Variants in CCDC13 observed in about 807,000 individuals in gnomAD.
CCDC13 encodes coiled-coil domain-containing protein 13.
A neutral mutation model predicts 87.3 loss-of-function variants in CCDC13; 70 were observed. The ratio of observed to expected loss-of-function variants is 0.80; its 90% confidence interval spans 0.66 to 0.98. The LOEUF (loss-of-function observed/expected upper bound fraction) is 0.98. Ranked by LOEUF, CCDC13 falls within the 50% of genes least tolerant of loss-of-function variation. The probability of loss-of-function intolerance (pLI) is 0.00; values close to 1 mark genes in which losing one functional copy is unlikely to be tolerated. For missense variants in CCDC13, 842 were observed against 892.0 expected, an observed-to-expected ratio of 0.94 and a Z score of 0.71; for synonymous variants, 317 against 360.3, an observed-to-expected ratio of 0.88 and a Z score of 1.36.
intron 14 of CCDC13, among the ~76,000 whole-genome samples, chr3:42,710,188 C>T (rs1698277315): frequency 6.6e-6 from 1 of 150,842 alleles, no homozygotes; most frequent in Non-Finnish European, 1.5e-5. Context: ...CAGCTCACAG[C>T]AATCTGCGCC....
chr3:42,713,387 G>A (rs1698359522), intron 13 of CCDC13, 71 bp from the exon 14 acceptor site: 4 of 1,506,750 alleles, frequency 2.7e-6, no homozygotes, highest in Non-Finnish European at 3.6e-6. Flanking sequence ...ACTTGCTCAG[G>A]CCCTTAGAGA....
intron 3 of CCDC13, among the ~76,000 whole-genome samples, chr3:42,754,870 C>A (rs1699671825): frequency 6.6e-6 from 1 of 152,156 alleles, no homozygotes; most frequent in Non-Finnish European, 1.5e-5. Context: ...TGTCTCCAGG[C>A]AAGCTCTACT....
Position 42,772,568 on chromosome 3 carries a change from A to G in CCDC13, c.-7+608T>C, listed in dbSNP as rs913825142. 3.9e-5 allele frequency among the ~76,000 whole-genome samples: 6 copies of G among 152,298 alleles called. No individual in the cohort carries two copies. The South Asian group carries it at 8.3e-4, about 21-fold the overall frequency. ...ACTGTGTTCTTTTCGAGTATTCTCAACAACAGTCTAGGGGCCTGGAGGTGT... is the reference window on the plus strand; with the variant it reads ...ACTGTGTTCTTTTCGAGTATTCTCAGCAACAGTCTAGGGGCCTGGAGGTGT... On this transcript the variant is annotated intron_variant, in intron 1 of 15. Coordinates refer to ENST00000310232, the MANE Select transcript of CCDC13 (RefSeq NM_144719.4).
At chr3:42,737,706 T>A (rs1699075649) in intron 9 of CCDC13, among the ~76,000 whole-genome samples, 1 of 152,272 alleles carries the variant, frequency 6.6e-6, no homozygotes, top group Non-Finnish European at 1.5e-5. Flanking sequence ...GCTGCACAGA[T>A]GTCTTCTTTT....
At chr3:42,723,283 G>T (rs997761931) in intron 13 of CCDC13, among the ~76,000 whole-genome samples, 1 of 152,110 alleles carries the variant, frequency 6.6e-6, no homozygotes, top group Non-Finnish European at 1.5e-5. Context: ...GGCTTCCTCT[G>T]TCTCTGACAG....
intron 1 of CCDC13, among the ~76,000 whole-genome samples, chr3:42,759,336 G>A (rs1699781014): frequency 6.6e-6 from 1 of 150,946 alleles, no homozygotes; most frequent in Non-Finnish European, 1.5e-5. Context: ...AATTTTATGT[G>A]TACAAATGAG....
At chr3:42,765,788 C>A (rs902495895) in intron 1 of CCDC13, among the ~76,000 whole-genome samples, 7 of 152,268 alleles carry the variant, frequency 4.6e-5, no homozygotes, top group African/African-American at 1.7e-4. Context: ...GCCAGAACAG[C>A]ATGTGCAGAG....
chr3:42,715,667 C>T (rs149331936), intron 13 of CCDC13, among the ~76,000 whole-genome samples: 1 of 152,318 alleles, frequency 6.6e-6, no homozygotes, highest in East Asian at 1.9e-4. Context: ...TTCATTTCCT[C>T]AGTCACACTA....
At chr3:42,730,713 C>T in intron 12 of CCDC13, 124 bp from the exon 13 acceptor site, 1 of 1,306,646 alleles carries the variant, frequency 7.7e-7, no homozygotes, top group South Asian at 1.4e-5. Context: ...GCAAAGGAAG[C>T]AAACCCAGTC....
chr3:42,770,403 C>G (rs1312217422), intron 1 of CCDC13, among the ~76,000 whole-genome samples: 1 of 152,218 alleles, frequency 6.6e-6, no homozygotes, highest in Non-Finnish European at 1.5e-5. Flanking sequence ...CATTCTGTAT[C>G]TAGTTGATCT....
In CCDC13 at chr3:42,706,943, G is replaced by A. The variant is rs1397951684; in HGVS notation, c.*2037C>T. Among the ~76,000 whole-genome samples, 1 of 152,186 alleles carries A rather than the reference G, an allele frequency of 6.6e-6. No homozygotes were observed. The highest frequency in any genetic ancestry group is 1.5e-5 in the Non-Finnish European group (1 of 68,032). ...TAAGTGGGGAGAGAAGTATGCCCCA[G>A]GCAGCCCCACCTGTCCAGACTCCAT... On this transcript the variant is annotated 3_prime_UTR_variant, in exon 16 of 16. Transcript: ENST00000310232.
chr3:42,709,668 C>T lies in CCDC13; in HGVS notation c.1988+16G>A, dbSNP rs369623561. On this transcript the variant is annotated intron_variant, in intron 15 of 15. Coordinates refer to ENST00000310232, the MANE Select transcript of CCDC13 (RefSeq NM_144719.4). ...AGACAACCCTACCCTTTCAGGAAGG[C>T]GGGGCAGGGGAGCACCTGGTTGTCA... 4.4e-6 allele frequency: 7 copies of T among 1,599,218 alleles called. No homozygotes were observed. The highest frequency in any genetic ancestry group is 3.3e-5 in the South Asian group (3 of 90,744).
chr3:42,741,714 G>A (rs998935159), intron 8 of CCDC13, among the ~76,000 whole-genome samples: 2 of 152,130 alleles, frequency 1.3e-5, no homozygotes, highest in African/African-American at 4.8e-5. Context: ...TCCAGCCTGG[G>A]CAACAGAGCG....
At chr3:42,719,162 G>A (rs1241011931) in intron 13 of CCDC13, 1 of 152,202 alleles carries the variant, frequency 6.6e-6, no homozygotes, top group Non-Finnish European at 1.5e-5. Flanking sequence ...CTTCGCTGAT[G>A]GCTGTGGGTG....
intron 13 of CCDC13, 52 bp from the exon 14 acceptor site, chr3:42,713,368 C>A: frequency 6.3e-7 from 1 of 1,593,534 alleles, no homozygotes; most frequent in South Asian, 1.1e-5. Flanking sequence ...CAGGGGCAGG[C>A]CCTACCCCAC....
chr3:42,713,122 C>A (rs1698351221), intron 14 of CCDC13, 40 bp downstream of exon 14: 1 of 1,598,776 alleles, frequency 6.3e-7, no homozygotes, highest in African/African-American at 1.3e-5. Flanking sequence ...AGCAACACTG[C>A]CTCCACCCCC....
intron 3 of CCDC13, among the ~76,000 whole-genome samples, chr3:42,753,913 G>A (rs370118309): frequency 6.6e-6 from 1 of 152,162 alleles, no homozygotes; most frequent in African/African-American, 2.4e-5. Flanking sequence ...GGATGTGAAT[G>A]GGGAAGTTGT....
intron 10 of CCDC13, 146 bp from the exon 11 acceptor site, chr3:42,733,755 G>A (rs1698907160): frequency 1.1e-6 from 1 of 937,840 alleles, no homozygotes; most frequent in African/African-American, 1.7e-5. Context: ...CCTGTTTGGT[G>A]AAGGCACTAC....
In CCDC13 at chr3:42,707,766, G is replaced by A. The variant is rs1437284985; in HGVS notation, c.*1214C>T. The stretch of plus-strand genomic sequence containing the variant: ...CACACATGGAGGTGCCTGTGTGCAC[G>A]TACAGTTGCATGCTCCTGAATTGAG... On this transcript the variant is annotated 3_prime_UTR_variant, in exon 16 of 16. Transcript: ENST00000310232. 6.6e-6 allele frequency among the ~76,000 whole-genome samples: 1 copy of A among 152,218 alleles called. No homozygotes were observed. Among genetic ancestry groups the A allele is most frequent in the Non-Finnish European group, 1.5e-5 (1 of 68,036 alleles).
Sources: gnomAD v4.1 joint callset for allele counts (sites outside exome capture counted in the v4.1 genomes callset) on GRCh38, gnomAD v4.1.1 for gene constraint, MANE v1.5 for transcripts, NCBI Gene and HGNC (gene_info 2026-07-23, HGNC 2026-07-21) for gene names.